F13A1: variants seen among roughly 807,000 people sequenced by gnomAD.
The protein encoded by F13A1 is coagulation factor XIII A chain.
In F13A1, 47 loss-of-function variants were observed where a neutral mutation model predicts 80.1. The observed-to-expected ratio is 0.59, with a 90% confidence interval of 0.46 to 0.75. The LOEUF is 0.75. Ranked by LOEUF, F13A1 falls within the 30% of genes least tolerant of loss-of-function variation. The pLI is 0.00. For synonymous variants in F13A1, 349 were observed against 344.9 expected, an observed-to-expected ratio of 1.01 and a Z score of -0.13; for missense variants, 817 against 930.4, an observed-to-expected ratio of 0.88 and a Z score of 1.59.
rs140089495 is a variant in F13A1, at chr6:6,316,814, G to T, written c.130+1721C>A. ...CACGACAATCTGTGAAGTAGGCATT[G>T]CTTCCATTTTGCTGATGGAGAAACT... On this transcript the variant is annotated intron_variant, in intron 2 of 14. Transcript: ENST00000264870. 4.6e-5 allele frequency among the ~76,000 whole-genome samples: 7 copies of T among 152,272 alleles called. No individual in the cohort carries two copies. In the East Asian group the frequency reaches 1.2e-3, roughly 25 times the overall value.
intron 4 of F13A1, among the ~76,000 whole-genome samples, chr6:6,259,720 A>T (rs1374487749): frequency 6.6e-6 from 1 of 152,198 alleles, no homozygotes; most frequent in African/African-American, 2.4e-5. Flanking sequence ...CACAGCAAAC[A>T]TTTATTAAAC....
In F13A1 at chr6:6,181,880, A is replaced by G. The variant is rs139726577; in HGVS notation, c.1459+108T>C. On this transcript the variant is annotated intron_variant, in intron 11 of 14. Transcript: ENST00000264870. Reference sequence around the variant, plus strand: ...AGTTTATACTTCTGCTGTTGCTACCAAATGCTGCAAATGCCAGTGCATTCT... The same window carrying G: ...AGTTTATACTTCTGCTGTTGCTACCGAATGCTGCAAATGCCAGTGCATTCT... 4,594 of 1,230,094 alleles carry G rather than the reference A, an allele frequency of 3.7e-3. 19 individuals carry two copies. Among genetic ancestry groups the G allele is most frequent in the Non-Finnish European group, 4.4e-3 (3,667 of 839,572 alleles). 76.2% of individuals were successfully genotyped at this position (1,230,094 alleles called of 1,614,324 possible).
Position 6,144,085 on chromosome 6 carries a change from A to C in F13A1, c.*1534T>G, listed in dbSNP as rs1375573446. The stretch of plus-strand genomic sequence containing the variant: ...CATTCACTTCTGCACAGATGCAAAT[A>C]TAATCAGTTTAACTTTATTTTAAGC... On this transcript the variant is annotated 3_prime_UTR_variant, in exon 15 of 15. Transcript: ENST00000264870. 2.0e-5 allele frequency: 3 copies of C among 152,222 alleles called. No individual in the cohort carries two copies. Among genetic ancestry groups the C allele is most frequent in the Non-Finnish European group, 4.4e-5 (3 of 68,038 alleles). 9.4% of individuals were successfully genotyped at this position (152,222 alleles called of 1,614,324 possible).
rs1286158280 is a variant in F13A1, at chr6:6,167,706, C to T, written c.1748-88G>A. On this transcript the variant is annotated intron_variant, in intron 12 of 14. Coordinates refer to ENST00000264870, the MANE Select transcript of F13A1 (RefSeq NM_000129.4). ...TCTCCAAGTTTCCCTACCCCTCCCACATTAGCCTGGAAGCCACCAGGAACA... is the reference window on the plus strand; with the variant it reads ...TCTCCAAGTTTCCCTACCCCTCCCATATTAGCCTGGAAGCCACCAGGAACA... 61 of 1,483,156 alleles carry T rather than the reference C, an allele frequency of 4.1e-5. 1 individual carries two copies. Among genetic ancestry groups the T allele is most frequent in the South Asian group, 9.6e-5 (8 of 83,418 alleles). The allele number at this position is 1,483,156 out of a possible 1,614,324, so 91.9% of individuals were successfully genotyped here. A position where few individuals can be genotyped will look rare whatever the true frequency, so the allele number is the denominator to read the frequency against.
At chr6:6,186,187 A>T (rs541170657) in intron 10 of F13A1, among the ~76,000 whole-genome samples, 1 of 149,774 alleles carries the variant, frequency 6.7e-6, no homozygotes, top group Non-Finnish European at 1.5e-5. Flanking sequence ...GTTCACTCTG[A>T]TGGTAGTTTC....
chr6:6,270,923 G>A (rs1254010472), intron 3 of F13A1, among the ~76,000 whole-genome samples: 2 of 152,216 alleles, frequency 1.3e-5, no homozygotes, highest in Non-Finnish European at 2.9e-5. Flanking sequence ...GAACCTGCAT[G>A]AGGGTCTCTC....
In F13A1 at chr6:6,243,072, C is replaced by T. The variant is rs1461887724; in HGVS notation, c.798+5240G>A. Among the ~76,000 whole-genome samples the T allele has an allele frequency of 6.6e-6, 1 of 152,164 alleles. No individual in the cohort carries two copies. The highest frequency in any genetic ancestry group is 1.5e-5 in the Non-Finnish European group (1 of 68,032). On this transcript the variant is annotated intron_variant, in intron 6 of 14. Transcript: ENST00000264870. This position sits in a 1 kb window ranked among gnomAD's most constrained non-coding sequence, Gnocchi z 4.2. ...TAGATTGCCATAAACATTTGTCAAA[C>T]AAATGAGTAAATACTGAGTGTTTTA...
intron 4 of F13A1, among the ~76,000 whole-genome samples, chr6:6,264,520 T>C (rs1363142033): frequency 6.6e-6 from 1 of 152,232 alleles, no homozygotes; most frequent in Non-Finnish European, 1.5e-5. Flanking sequence ...TAAATGATGG[T>C]GTTCCTGAAG....
chr6:6,301,865 C>G (rs1200733423), intron 3 of F13A1, among the ~76,000 whole-genome samples: 1 of 152,178 alleles, frequency 6.6e-6, no homozygotes, highest in Non-Finnish European at 1.5e-5. Context: ...CAAGGCGAGA[C>G]AACTCTGAAG....
chr6:6,278,314 A>G (rs1250399079), intron 3 of F13A1, among the ~76,000 whole-genome samples: 2 of 152,204 alleles, frequency 1.3e-5, no homozygotes, highest in African/African-American at 4.8e-5. Flanking sequence ...GCTTAAGAGG[A>G]CAGAGAGGGT....
intron 10 of F13A1, among the ~76,000 whole-genome samples, 169 bp from the exon 11 acceptor site, chr6:6,182,310 A>C (rs1761002760): frequency 6.6e-6 from 1 of 152,224 alleles, no homozygotes; most frequent in African/African-American, 2.4e-5. Flanking sequence ...AATATTCTAA[A>C]GGCGAATCTA....
intron 6 of F13A1, among the ~76,000 whole-genome samples, chr6:6,244,764 G>A (rs757208992): frequency 1.3e-5 from 2 of 152,192 alleles, no homozygotes; most frequent in Non-Finnish European, 2.9e-5. Flanking sequence ...GCAGAGGTGA[G>A]TTATTTACCC....
At chr6:6,311,921 TATATA>T (rs1758607080) in intron 2 of F13A1, among the ~76,000 whole-genome samples, 1 of 147,238 alleles carries the variant, frequency 6.8e-6, no homozygotes, top group African/African-American at 2.5e-5. Context: ...ATTGTTTACA[TATATA>T]ATATATAGTT....
At chr6:6,311,770 A>C (rs1201729490) in intron 2 of F13A1, among the ~76,000 whole-genome samples, 1 of 144,630 alleles carries the variant, frequency 6.9e-6, no homozygotes, top group Admixed American at 7.0e-5. Context: ...ATATATTTAT[A>C]TATTATATAT....
chr6:6,291,956 C>G (rs992145889), intron 3 of F13A1, among the ~76,000 whole-genome samples: 1 of 152,218 alleles, frequency 6.6e-6, no homozygotes, highest in Non-Finnish European at 1.5e-5. Context: ...CAAACAGAAG[C>G]ATATTCATAC....
chr6:6,303,810 C>T (rs1012602768), intron 3 of F13A1, among the ~76,000 whole-genome samples: 12 of 152,042 alleles, frequency 7.9e-5, no homozygotes, highest in African/African-American at 2.9e-4. Flanking sequence ...GGTTTTAGTC[C>T]TACATTTTAT....
At chr6:6,296,273 T>C (rs1176737639) in intron 3 of F13A1, among the ~76,000 whole-genome samples, 1 of 151,888 alleles carries the variant, frequency 6.6e-6, no homozygotes, top group African/African-American at 2.4e-5. Flanking sequence ...TTTTTTCCAA[T>C]TCTGTGAAGA....
intron 1 of F13A1, among the ~76,000 whole-genome samples, chr6:6,320,361 C>T (rs1351029768): frequency 6.6e-6 from 1 of 152,236 alleles, no homozygotes; most frequent in Non-Finnish European, 1.5e-5. Flanking sequence ...AAGCAAGCAA[C>T]GGCTTCGGGA....
intron 8 of F13A1, among the ~76,000 whole-genome samples, chr6:6,221,377 A>G (rs1197216134): frequency 6.6e-6 from 1 of 152,198 alleles, no homozygotes; most frequent in South Asian, 2.1e-4. Context: ...TCCCATTTCT[A>G]TATCTCAATG....
Sources: gnomAD v4.1 joint callset for allele counts (sites outside exome capture counted in the v4.1 genomes callset) on GRCh38, gnomAD v4.1.1 for gene constraint, Gnocchi (gnomAD v3.1) non-coding constraint, MANE v1.5 for transcripts, NCBI Gene and HGNC (gene_info 2026-07-23, HGNC 2026-07-21) for gene names.